AUTS2: variants seen among roughly 807,000 people sequenced by gnomAD.
The protein encoded by AUTS2 is autism susceptibility gene 2 protein.
Under a neutral mutation model 112.4 loss-of-function variants are expected in AUTS2, and 17 were observed. That is an observed-to-expected ratio of 0.15 (90% CI 0.10 to 0.23). AUTS2 has a LOEUF of 0.23. AUTS2 is among the 10% of genes least tolerant of loss of function. The pLI is 1.00. For synonymous variants in AUTS2, 751 were observed against 702.7 expected, an observed-to-expected ratio of 1.07 and a Z score of -1.09; for missense variants, 1,510 against 1,701.6, an observed-to-expected ratio of 0.89 and a Z score of 1.98.
chr7:70,703,422 C>A (rs1260210502), intron 6 of AUTS2, among the ~76,000 whole-genome samples: 1 of 136,786 alleles, frequency 7.3e-6, no homozygotes, highest in African/African-American at 2.8e-5. Flanking sequence ...CTTGGGCCCA[C>A]AAGGTCGAGG....
At chr7:70,643,758 T>A (rs1805989736) in intron 5 of AUTS2, among the ~76,000 whole-genome samples, 1 of 152,162 alleles carries the variant, frequency 6.6e-6, no homozygotes, top group South Asian at 2.1e-4. Flanking sequence ...ATCTCTGATC[T>A]CTCTCTTTCC....
chr7:70,184,908 A>G (rs1225318169), intron 4 of AUTS2, among the ~76,000 whole-genome samples: 3 of 152,240 alleles, frequency 2.0e-5, no homozygotes, highest in Non-Finnish European at 4.4e-5. Flanking sequence ...ATTTTGGCTT[A>G]ATCTGTACTT....
intron 1 of AUTS2, among the ~76,000 whole-genome samples, chr7:69,825,225 G>A (rs1475028824): frequency 6.6e-6 from 1 of 152,156 alleles, no homozygotes; most frequent in Non-Finnish European, 1.5e-5. Context: ...ATGAGAGAAA[G>A]CTTCCTGGGG....
At chr7:69,980,280 C>G (rs1798242459) in intron 2 of AUTS2, among the ~76,000 whole-genome samples, 1 of 152,122 alleles carries the variant, frequency 6.6e-6, no homozygotes, top group African/African-American at 2.4e-5. Flanking sequence ...TTATTTTTCT[C>G]TCTAGAATTT....
intron 1 of AUTS2, among the ~76,000 whole-genome samples, chr7:69,702,320 T>C (rs1190629629): frequency 6.6e-6 from 1 of 152,174 alleles, no homozygotes; most frequent in African/African-American, 2.4e-5. Context: ...AGTTTAGTAT[T>C]CAGATGTGGT....
At position 70,784,764 on chromosome 7, in the gene AUTS2, A is replaced by C. The variant is rs934768428; in HGVS notation, c.2147-178A>C. 31 of 359,190 alleles carry C rather than the reference A, an allele frequency of 8.6e-5. 1 individual carries two copies. The highest frequency in any genetic ancestry group is 5.1e-4 in the Middle Eastern group (1 of 1,960). 22.3% of individuals were successfully genotyped at this position (359,190 alleles called of 1,614,324 possible). ...TCCTAAAAAAAAAAAAAAAAAAAAAAAAAAAAAAACACACATTTTCTTTTA... is the reference window on the plus strand; with the variant it reads ...TCCTAAAAAAAAAAAAAAAAAAAAACAAAAAAAAACACACATTTTCTTTTA... On this transcript the variant is annotated intron_variant, in intron 15 of 18. Coordinates refer to ENST00000342771, the MANE Select transcript of AUTS2 (RefSeq NM_015570.4).
chr7:70,610,224 C>T (rs1364430298), intron 5 of AUTS2, among the ~76,000 whole-genome samples: 1 of 151,948 alleles, frequency 6.6e-6, no homozygotes, highest in Non-Finnish European at 1.5e-5. Context: ...GTCTCGAACT[C>T]CTGGCATCAA....
intron 2 of AUTS2, among the ~76,000 whole-genome samples, chr7:70,034,628 A>G (rs888326136): frequency 6.6e-6 from 1 of 152,210 alleles, no homozygotes; most frequent in African/African-American, 2.4e-5. Context: ...TGCTTCTAGT[A>G]TCACTGTCTT....
chr7:70,675,006 T>C (rs1159515629), intron 5 of AUTS2, among the ~76,000 whole-genome samples: 3 of 152,336 alleles, frequency 2.0e-5, no homozygotes, highest in African/African-American at 2.4e-5. Flanking sequence ...TCCTGCACCC[T>C]GCGATTCAGG....
intron 4 of AUTS2, among the ~76,000 whole-genome samples, chr7:70,231,279 A>T (rs867086287): frequency 8.5e-5 from 13 of 152,326 alleles, no homozygotes; most frequent in South Asian, 6.2e-4. Context: ...AAGATTTCTT[A>T]CATGTGAAAA....
chr7:70,124,544 AG>A (rs1271629732), intron 3 of AUTS2, among the ~76,000 whole-genome samples: 2 of 150,718 alleles, frequency 1.3e-5, no homozygotes, highest in Non-Finnish European at 2.9e-5. Context: ...GGTGTAAGGA[AG>A]GGGTCCAGCT....
intron 2 of AUTS2, among the ~76,000 whole-genome samples, chr7:69,911,166 G>T (rs1320999820): frequency 5.9e-5 from 9 of 152,244 alleles, no homozygotes; most frequent in Non-Finnish European, 1.0e-4. Context: ...CTGCGGCAGG[G>T]TGGGCAGCCC....
chr7:69,900,772 C>G (rs555929466), intron 2 of AUTS2, among the ~76,000 whole-genome samples: 1 of 152,302 alleles, frequency 6.6e-6, no homozygotes, highest in South Asian at 2.1e-4. Flanking sequence ...ACCCAGAAGG[C>G]TTCCAAGGTA....
At chr7:69,890,742 A>G (rs1794484095) in intron 1 of AUTS2, among the ~76,000 whole-genome samples, 1 of 152,080 alleles carries the variant, frequency 6.6e-6, no homozygotes, top group Non-Finnish European at 1.5e-5. Flanking sequence ...AAATGAGGTG[A>G]AGGCCAGGCA....
chr7:70,764,941 T>A lies in AUTS2; in HGVS notation c.1404T>A (p.Pro468=). The A allele has an allele frequency of 6.3e-7, 1 of 1,591,386 alleles. No homozygotes were observed. The highest frequency in any genetic ancestry group is 2.3e-5 in the East Asian group (1 of 43,638). The stretch of plus-strand genomic sequence containing the variant: ...TTGCCCCTCCCACTGCTCTGCCTCC[T>A]CCACCACCACTGACATCAGGAAGTC... ...NMFAPPTALP[P]PPPLTSGSLQ... The change falls in exon 8 of 19, where the codon CCT becomes CCA. Residue 468 remains proline (P), a synonymous_variant. Transcript: ENST00000342771.
intron 5 of AUTS2, among the ~76,000 whole-genome samples, chr7:70,466,735 C>T (rs1430735214): frequency 1.3e-5 from 2 of 152,140 alleles, no homozygotes; most frequent in Non-Finnish European, 2.9e-5. Flanking sequence ...CATTAAGTAA[C>T]AGATTGTGTG....
chr7:70,093,324 G>A (rs968436075), intron 2 of AUTS2, among the ~76,000 whole-genome samples: 8 of 152,120 alleles, frequency 5.3e-5, no homozygotes, highest in African/African-American at 1.2e-4. Context: ...TCCATTCATC[G>A]TGGTTATACA....
intron 4 of AUTS2, among the ~76,000 whole-genome samples, chr7:70,318,176 A>G (rs890935208): frequency 1.3e-5 from 2 of 152,126 alleles, no homozygotes; most frequent in African/African-American, 4.8e-5. Context: ...CATTCAGGGT[A>G]TAATATTGTA....
intron 5 of AUTS2, among the ~76,000 whole-genome samples, chr7:70,496,000 TACAC>T (rs1180225302): frequency 1.4e-5 from 1 of 73,450 alleles, no homozygotes; most frequent in African/African-American, 5.7e-5. Flanking sequence ...TCATACCACA[TACAC>T]AGTCACACAC....
Sources: allele counts gnomAD v4.1 joint callset (sites outside exome capture counted in the v4.1 genomes callset), GRCh38; gene constraint gnomAD v4.1.1; transcripts MANE v1.5; gene names NCBI Gene and HGNC (gene_info 2026-07-23, HGNC 2026-07-21).